RAB2B: variants seen among roughly 807,000 people sequenced by gnomAD.
RAB2B encodes RAB2B, member RAS oncogene family.
Under a neutral mutation model 29.8 loss-of-function variants are expected in RAB2B, and 20 were observed. That is an observed-to-expected ratio of 0.67 (90% CI 0.47 to 0.97). The LOEUF (loss-of-function observed/expected upper bound fraction) is 0.97. Ranked by LOEUF, RAB2B falls within the 50% of genes least tolerant of loss-of-function variation. RAB2B has a pLI of 0.00. For synonymous variants in RAB2B, 93 were observed against 91.7 expected, an observed-to-expected ratio of 1.01 and a Z score of -0.08; for missense variants, 218 against 272.0, an observed-to-expected ratio of 0.80 and a Z score of 1.40.
intron 6 of RAB2B, 76 bp from the exon 7 acceptor site, chr14:21,462,494 T>C (rs1594406847): frequency 1.5e-6 from 2 of 1,337,722 alleles, no homozygotes; most frequent in East Asian, 4.8e-5. Context: ...TTAATTATTA[T>C]TCATATTTGA....
chr14:21,464,382 A>T (rs1448546492), intron 5 of RAB2B, among the ~76,000 whole-genome samples: 2 of 151,680 alleles, frequency 1.3e-5, no homozygotes, highest in African/African-American at 4.8e-5. Flanking sequence ...CCTCAGCGAC[A>T]GAGCAAGACT....
chr14:21,474,739 CTT>C (rs1890906316), intron 3 of RAB2B, 126 bp downstream of exon 3: 3 of 713,344 alleles, frequency 4.2e-6, no homozygotes, highest in African/African-American at 1.8e-5. Context: ...AAACTTCTCT[CTT>C]TGATTTCACC....
chr14:21,460,049 G>C lies in RAB2B; in HGVS notation c.*1147C>G. ...TTTGAAGTTACACTAAGAGATAGAA[G>C]CTAATAATAGGATAGTAGAGAAGTA... On this transcript the variant is annotated 3_prime_UTR_variant, in exon 8 of 8. Transcript: ENST00000397762. 1 of 439,558 alleles carries C rather than the reference G, an allele frequency of 2.3e-6. No homozygotes were observed. The highest frequency in any genetic ancestry group is 4.5e-6 in the Non-Finnish European group (1 of 222,796). The allele number at this position is 439,558 out of a possible 1,614,324, so 27.2% of individuals were successfully genotyped here. A position where few individuals can be genotyped will look rare whatever the true frequency, so the allele number is the denominator to read the frequency against.
rs1477588576 is a variant in RAB2B at position 21,476,845 on chromosome 14, T to C, written c.28A>G (p.Ile10Val). 3.7e-6 allele frequency: 6 copies of C among 1,613,444 alleles called. No homozygotes were observed. Among genetic ancestry groups the C allele is most frequent in the East Asian group, 2.2e-5 (1 of 44,848 alleles). ...GGGTTACCTGTGTCTCCGATGATGA[T>C]ATACTTGAAGAGATAAGCATAAGTC... MTYAYLFKY[I>V]IIGDTGVGKS... The change falls in exon 1 of 8, where the codon ATC becomes GTC. Residue 10 changes from isoleucine (I) to valine (V), a missense_variant. Physicochemically the swap from Ile to Val is conservative, Grantham distance 29. Transcript: ENST00000397762.
chr14:21,476,698 C>G (rs1227839914), intron 1 of RAB2B, 99 bp from the exon 2 acceptor site: 2 of 1,600,024 alleles, frequency 1.2e-6, no homozygotes, highest in African/African-American at 1.3e-5. Context: ...GAGCCCCGCC[C>G]CCGGCCGCCC....
chr14:21,462,263 G>T, intron 7 of RAB2B, 87 bp downstream of exon 7: 1 of 1,025,050 alleles, frequency 9.8e-7, no homozygotes, highest in Non-Finnish European at 1.4e-6. Context: ...ATGATAGATG[G>T]GGAATGTAAG....
In RAB2B at chr14:21,460,228, A is replaced by C. The variant is rs530225855; in HGVS notation, c.*968T>G. 79 of 518,980 alleles carry C rather than the reference A, an allele frequency of 1.5e-4. 1 individual carries two copies. Among genetic ancestry groups the C allele is most frequent in the South Asian group, 1.0e-3 (75 of 71,598 alleles). The allele number at this position is 518,980 out of a possible 1,614,324, so 32.1% of individuals were successfully genotyped here. ...AGGCCAACTAGATCTAGGTAATTGC[A>C]AGTGTTCAAATAGAATGTCTTTGAC... On this transcript the variant is annotated 3_prime_UTR_variant, in exon 8 of 8. Transcript: ENST00000397762.
intron 5 of RAB2B, among the ~76,000 whole-genome samples, chr14:21,468,064 G>A (rs969662526): frequency 6.6e-6 from 1 of 152,190 alleles, no homozygotes; most frequent in African/African-American, 2.4e-5. Flanking sequence ...GGATGGGGGA[G>A]GGAAGATGGA....
At chr14:21,474,446 AAACAAAACT>A (rs372980559) in intron 3 of RAB2B, 563 of 9,452 alleles carry the variant, frequency 0.06, 2 homozygotes, top group Middle Eastern at 0.25. Flanking sequence ...ACACTAATAA[AAACAAAACT>A]ACTACCATAT....
chr14:21,469,703 A>C (rs1890761420), intron 3 of RAB2B, among the ~76,000 whole-genome samples: 1 of 152,140 alleles, frequency 6.6e-6, no homozygotes, highest in Admixed American at 6.6e-5. Context: ...ACATCCCTAC[A>C]TAACAGGAGG....
Position 21,461,218 on chromosome 14 carries a change from C to T in RAB2B, c.629G>A (p.Gly210Glu). ...SASQRNSRDI[G>E]SNSGCC Reference sequence around the variant, plus strand: ...TGTTCAGCAGCAGCCAGAGTTGGACCCTATGTCACGAGAGTTCCGCTGGGA... The same window carrying T: ...TGTTCAGCAGCAGCCAGAGTTGGACTCTATGTCACGAGAGTTCCGCTGGGA... The change falls in exon 8 of 8, where the codon GGG (glycine) becomes GAG (glutamate). Residue 210 changes from glycine to glutamate, a missense_variant. Coordinates refer to ENST00000397762, the MANE Select transcript of RAB2B (RefSeq NM_032846.4). 1 of 1,613,194 alleles carries T rather than the reference C, an allele frequency of 6.2e-7. No individual in the cohort carries two copies. The highest frequency in any genetic ancestry group is 8.5e-7 in the Non-Finnish European group (1 of 1,179,518).
chr14:21,476,409 A>G (rs1006548749), intron 2 of RAB2B, 119 bp downstream of exon 2: 2 of 1,001,636 alleles, frequency 2.0e-6, no homozygotes, highest in Non-Finnish European at 3.1e-6. Flanking sequence ...AGTTTGGACT[A>G]GTTTAAAGTA....
intron 3 of RAB2B, among the ~76,000 whole-genome samples, chr14:21,469,073 A>T (rs996995427): frequency 3.3e-5 from 5 of 151,236 alleles, no homozygotes; most frequent in African/African-American, 1.2e-4. Flanking sequence ...GATAAAGACG[A>T]TGAAGACATT....
intron 3 of RAB2B, among the ~76,000 whole-genome samples, chr14:21,472,226 C>T (rs1178251918): frequency 2.0e-5 from 3 of 151,970 alleles, no homozygotes; most frequent in African/African-American, 7.3e-5. Context: ...AGTAAAATAC[C>T]TATTCATTAG....
rs554905739 is a variant in RAB2B at position 21,462,086 on chromosome 14, A to G, written c.543+264T>C. On this transcript the variant is annotated intron_variant, in intron 7 of 7. Coordinates refer to ENST00000397762, the MANE Select transcript of RAB2B (RefSeq NM_032846.4). ...AGAATAGTAAAAAACTGAGGTTGACAAGAAAATCTCCCATATTGTGTAAGT... is the reference window on the plus strand; with the variant it reads ...AGAATAGTAAAAAACTGAGGTTGACGAGAAAATCTCCCATATTGTGTAAGT... Among the ~76,000 whole-genome samples the G allele has an allele frequency of 4.3e-3, 650 of 152,314 alleles. 4 individuals carry two copies. Among genetic ancestry groups the G allele is most frequent in the Admixed American group, 8.8e-3 (135 of 15,288 alleles).
In RAB2B at chr14:21,461,282, G is replaced by A. The variant is rs1166924911; in HGVS notation, c.565C>T (p.Pro189Ser). ...HNEANGIKIG[P>S]QQSISTSVGP... is the part of the protein sequence containing the mutation. ...ACTGATGTTGAAATTGACTGTTGGGGCCCAATCTTGATGCCATTTGCCTGT... is the reference window on the plus strand; with the variant it reads ...ACTGATGTTGAAATTGACTGTTGGGACCCAATCTTGATGCCATTTGCCTGT... Residue 189 changes from proline to serine, a missense_variant, in exon 8 of 8, where the codon CCC becomes TCC. Coordinates refer to ENST00000397762, the MANE Select transcript of RAB2B (RefSeq NM_032846.4). 2 of 1,613,358 alleles carry A rather than the reference G, an allele frequency of 1.2e-6. No homozygotes were observed. The highest frequency in any genetic ancestry group is 1.7e-6 in the Non-Finnish European group (2 of 1,179,588).
At position 21,473,459 on chromosome 14, in the gene RAB2B, G is replaced by A. The variant is rs377086250; in HGVS notation, c.186+1408C>T. On this transcript the variant is annotated intron_variant, in intron 3 of 7. Coordinates refer to ENST00000397762, the MANE Select transcript of RAB2B (RefSeq NM_032846.4). ...TCTGGATAGGGCAAAACTACACTAA[G>A]CCAAGCTAAATTTTGGCATTACTAC... is the stretch of plus-strand genomic sequence containing the variant. 4.1e-4 allele frequency among the ~76,000 whole-genome samples: 63 copies of A among 152,300 alleles called. 2 individuals are homozygous for A. The South Asian group carries it at 9.9e-3, about 24-fold the overall frequency.
intron 7 of RAB2B, 51 bp from the exon 8 acceptor site, chr14:21,461,354 G>C (rs776337381): frequency 1.6e-6 from 2 of 1,271,254 alleles, no homozygotes; most frequent in East Asian, 4.9e-5. Context: ...AAGTGAATGA[G>C]AGACAGGAGG....
intron 3 of RAB2B, 104 bp downstream of exon 3, chr14:21,474,763 T>C (rs1890907142): frequency 1.1e-6 from 1 of 896,100 alleles, no homozygotes. Context: ...TTCCCCTACT[T>C]TATCCCCACC....
Sources: gnomAD v4.1 joint callset for allele counts (sites outside exome capture counted in the v4.1 genomes callset) on GRCh38, gnomAD v4.1.1 for gene constraint, MANE v1.5 for transcripts, NCBI Gene and HGNC (gene_info 2026-07-23, HGNC 2026-07-21) for gene names.